Variants in HSD17B11 observed in about 807,000 individuals in gnomAD.
HSD17B11 encodes estradiol 17-beta-dehydrogenase 11.
HSD17B11 carries 22 observed loss-of-function variants against 27.8 expected under a neutral mutation model. The ratio of observed to expected loss-of-function variants is 0.79; its 90% confidence interval spans 0.56 to 1.13. HSD17B11 has a LOEUF of 1.13. Ranked by LOEUF, HSD17B11 falls within the 50% of genes most tolerant of loss-of-function variation. The probability of loss-of-function intolerance (pLI) is 0.00; values close to 1 mark genes in which losing one functional copy is unlikely to be tolerated. For missense variants in HSD17B11, 314 were observed against 351.1 expected, an observed-to-expected ratio of 0.89 and a Z score of 0.84; for synonymous variants, 117 against 132.8, an observed-to-expected ratio of 0.88 and a Z score of 0.82.
At chr4:87,357,219 C>A (rs1459368496) in intron 5 of HSD17B11, 60 bp downstream of exon 5, 145 of 1,539,756 alleles carry the variant, frequency 9.4e-5, no homozygotes, top group Non-Finnish European at 2.0e-5. Flanking sequence ...TAGGAAAACC[C>A]ACAGAATGGC....
chr4:87,368,797 C>G (rs1222972956), intron 4 of HSD17B11, among the ~76,000 whole-genome samples: 1 of 152,200 alleles, frequency 6.6e-6, no homozygotes, highest in Non-Finnish European at 1.5e-5. Context: ...GCTACACTCC[C>G]ACCAGCGCAT....
At chr4:87,387,963 T>C (rs1425438426) in intron 1 of HSD17B11, among the ~76,000 whole-genome samples, 2 of 151,952 alleles carry the variant, frequency 1.3e-5, no homozygotes, top group Non-Finnish European at 2.9e-5. Context: ...TCCTCTTACA[T>C]CTCTCCTAAG....
chr4:87,386,420 C>T (rs1720320216), intron 1 of HSD17B11, among the ~76,000 whole-genome samples: 1 of 152,110 alleles, frequency 6.6e-6, no homozygotes, highest in Admixed American at 6.6e-5. Context: ...CCAGGCTGGC[C>T]TTGAACCCCT....
chr4:87,380,863 CAAAAAAAAA>C lies in HSD17B11; in HGVS notation c.318+1383_318+1391del, dbSNP rs561938045. Among the ~76,000 whole-genome samples the C allele has an allele frequency of 4.6e-3, 343 of 74,720 alleles. 3 individuals are homozygous for C. Among genetic ancestry groups the C allele is most frequent in the African/African-American group, 0.018 (331 of 18,468 alleles). The allele number at this position is 74,720 out of a possible 152,430, so 49.0% of individuals were successfully genotyped here. A position where few individuals can be genotyped will look rare whatever the true frequency, so the allele number is the denominator to read the frequency against. ...ACAAAGCTAGAGCTAGACTCTATCT[CAAAAAAAAA>C]AAAAAAAAAAAAAAAAAAAGAACTC... On this transcript the variant is annotated intron_variant, in intron 2 of 6. Coordinates refer to ENST00000358290, the MANE Select transcript of HSD17B11 (RefSeq NM_016245.5).
chr4:87,347,156 G>C, intron 5 of HSD17B11, among the ~76,000 whole-genome samples: 1 of 62,760 alleles, frequency 1.6e-5, no homozygotes, highest in Non-Finnish European at 2.8e-5. Flanking sequence ...TAAGTTTTAG[G>C]GTACATGTGC....
chr4:87,357,508 G>A, intron 4 of HSD17B11, 92 bp from the exon 5 acceptor site: 2 of 1,207,750 alleles, frequency 1.7e-6, no homozygotes, highest in Non-Finnish European at 1.1e-6. Context: ...GAGCAATGTG[G>A]GCATTCCCTG....
At chr4:87,380,481 A>AG (rs1560770448) in intron 2 of HSD17B11, among the ~76,000 whole-genome samples, 1 of 138,668 alleles carries the variant, frequency 7.2e-6, no homozygotes, top group African/African-American at 2.7e-5. Context: ...AAAAAAAAAA[A>AG]AAAAAAAGAA....
At chr4:87,347,125 T>C (rs1243853289) in intron 5 of HSD17B11, among the ~76,000 whole-genome samples, 2 of 109,092 alleles carry the variant, frequency 1.8e-5, no homozygotes, top group Non-Finnish European at 1.8e-5. Flanking sequence ...TCTTTTTTTT[T>C]TTTTTTTTTT....
chr4:87,347,103 ATTTTTTTTTTTTC>A (rs1735285446), intron 5 of HSD17B11, among the ~76,000 whole-genome samples: 2 of 62,596 alleles, frequency 3.2e-5, no homozygotes, highest in Non-Finnish European at 2.7e-5. Context: ...AGTATTCTGG[ATTTTTTTTTTTTC>A]TTTTTTTTTT....
chr4:87,362,574 G>A (rs933000295), intron 4 of HSD17B11, among the ~76,000 whole-genome samples: 1 of 152,000 alleles, frequency 6.6e-6, no homozygotes, highest in African/African-American at 2.4e-5. Flanking sequence ...AGATTTAGGG[G>A]GTTAGAGGAC....
intron 1 of HSD17B11, among the ~76,000 whole-genome samples, chr4:87,387,399 G>A (rs1720348950): frequency 1.3e-5 from 2 of 152,124 alleles, no homozygotes; most frequent in Admixed American, 6.5e-5. Context: ...AGGGCCCTCC[G>A]TTTGGCCCCT....
In HSD17B11 at chr4:87,361,903, A is replaced by T. The variant is rs181039324; in HGVS notation, c.558-4487T>A. 4.4e-3 allele frequency among the ~76,000 whole-genome samples: 671 copies of T among 152,302 alleles called. 5 individuals carry two copies. The highest frequency in any genetic ancestry group is 0.016 in the African/African-American group (653 of 41,566). On this transcript the variant is annotated intron_variant, in intron 4 of 6. Coordinates refer to ENST00000358290, the MANE Select transcript of HSD17B11 (RefSeq NM_016245.5). ...ACATCTTTCTGGCAACCACGAAGGG[A>T]CTAAAGTGCAGAAACCCTGACCCTA...
At chr4:87,365,310 A>C (rs910021357) in intron 4 of HSD17B11, among the ~76,000 whole-genome samples, 2 of 152,254 alleles carry the variant, frequency 1.3e-5, no homozygotes, top group Non-Finnish European at 2.9e-5. Flanking sequence ...AATAGAAACT[A>C]ATGCCTTTTT....
chr4:87,358,639 A>T (rs1297786994), intron 4 of HSD17B11, among the ~76,000 whole-genome samples: 2 of 152,158 alleles, frequency 1.3e-5, no homozygotes, highest in Admixed American at 1.3e-4. Context: ...CATTTTAACC[A>T]TTTTTAAGTG....
intron 1 of HSD17B11, among the ~76,000 whole-genome samples, chr4:87,384,111 TG>T (rs1720241769): frequency 6.6e-6 from 1 of 152,190 alleles, no homozygotes; most frequent in Non-Finnish European, 1.5e-5. Context: ...TTTTCTCCTG[TG>T]GGAAGTCAGG....
intron 2 of HSD17B11, among the ~76,000 whole-genome samples, chr4:87,378,733 T>C (rs1719979070): frequency 7.0e-6 from 1 of 142,218 alleles, no homozygotes; most frequent in South Asian, 2.2e-4. Flanking sequence ...AAGAGTTCGA[T>C]TATTTTAATT....
intron 5 of HSD17B11, among the ~76,000 whole-genome samples, chr4:87,344,256 A>T (rs1735226194): frequency 3.3e-5 from 5 of 152,352 alleles, no homozygotes; most frequent in Admixed American, 6.5e-5. Context: ...TAGAGAAAAA[A>T]TAAATTGTGT....
intron 4 of HSD17B11, 135 bp from the exon 5 acceptor site, chr4:87,357,551 A>C: frequency 1.4e-6 from 1 of 693,304 alleles, no homozygotes; most frequent in Non-Finnish European, 2.3e-6. Context: ...CTACTGCATC[A>C]GAGCCCACAT....
At chr4:87,362,787 G>A (rs1399373447) in intron 4 of HSD17B11, among the ~76,000 whole-genome samples, 1 of 152,176 alleles carries the variant, frequency 6.6e-6, no homozygotes. Flanking sequence ...TGCTGAAAAA[G>A]ATCCCTGCTC....
Sources: allele counts gnomAD v4.1 joint callset (sites outside exome capture counted in the v4.1 genomes callset), GRCh38; gene constraint gnomAD v4.1.1; transcripts MANE v1.5; gene names NCBI Gene and HGNC (gene_info 2026-07-23, HGNC 2026-07-21).